KCNB2: variants seen among roughly 807,000 people sequenced by gnomAD.
KCNB2 encodes potassium voltage-gated channel subfamily B member 2, also known as delayed rectifier potassium channel protein.
A neutral mutation model predicts 61.5 loss-of-function variants in KCNB2; 15 were observed. The observed-to-expected ratio is 0.24, with a 90% CI of 0.16 to 0.38. KCNB2 has a LOEUF of 0.38. Ranked by LOEUF, KCNB2 falls within the 10% of genes least tolerant of loss-of-function variation. The probability of loss-of-function intolerance (pLI) is 1.00; values close to 1 mark genes in which losing one functional copy is unlikely to be tolerated. For synonymous variants in KCNB2, 457 were observed against 446.0 expected, an observed-to-expected ratio of 1.02 and a Z score of -0.31; for missense variants, 828 against 1,125.2, an observed-to-expected ratio of 0.74 and a Z score of 3.78.
In KCNB2 at chr8:72,839,599, C is replaced by CTTT. The variant is rs10561095; in HGVS notation, c.580-96307_580-96305dup. On this transcript the variant is annotated intron_variant, in intron 2 of 2. Coordinates refer to ENST00000523207, the MANE Select transcript of KCNB2 (RefSeq NM_004770.3). ...CCTTGAGCTAAACTTTGAAAGGCTT[C>CTTT]TTTTTTTTTTTTTTTTTTTTTTTTT... Among the ~76,000 whole-genome samples the CTTT allele has an allele frequency of 8.0e-3, 699 of 87,696 alleles. 22 individuals carry two copies. The highest frequency in any genetic ancestry group is 0.06 in the East Asian group (139 of 2,304). The allele number at this position is 87,696 out of a possible 152,430, so 57.5% of individuals were successfully genotyped here.
At chr8:72,710,526 C>G (rs1248182711) in intron 2 of KCNB2, among the ~76,000 whole-genome samples, 2 of 151,766 alleles carry the variant, frequency 1.3e-5, no homozygotes, top group African/African-American at 4.8e-5. Context: ...TGAGGAAGAG[C>G]AAAAACTAAA....
intron 2 of KCNB2, among the ~76,000 whole-genome samples, chr8:72,913,439 A>G (rs925846161): frequency 6.6e-6 from 1 of 152,244 alleles, no homozygotes; most frequent in Non-Finnish European, 1.5e-5. Flanking sequence ...TAATAACTGA[A>G]GCACAGGATT....
At position 72,664,233 on chromosome 8, in the gene KCNB2, G is replaced by A. The variant is rs1354608838; in HGVS notation, c.579+95920G>A. On this transcript the variant is annotated intron_variant, in intron 2 of 2. Coordinates refer to ENST00000523207, the MANE Select transcript of KCNB2 (RefSeq NM_004770.3). ...TCTTTTACTCTGCAGCGCCCTCCCA[G>A]GTGAGGTCCGCACTGGTACTCTATG... Among the ~76,000 whole-genome samples the A allele has an allele frequency of 2.0e-5, 3 of 152,144 alleles. No homozygotes were observed. The South Asian group carries it at 6.2e-4, about 32-fold the overall frequency.
chr8:72,850,932 G>A (rs533104087), intron 2 of KCNB2, among the ~76,000 whole-genome samples: 3 of 152,078 alleles, frequency 2.0e-5, no homozygotes, highest in African/African-American at 4.8e-5. Context: ...TGTCTAATTC[G>A]GTATTCCATA....
intron 2 of KCNB2, among the ~76,000 whole-genome samples, chr8:72,680,649 C>T (rs1806735416): frequency 6.6e-6 from 1 of 152,104 alleles, no homozygotes; most frequent in Non-Finnish European, 1.5e-5. Context: ...TCTGAGACCT[C>T]ATCTATAAAG....
chr8:72,863,680 C>T (rs1273863235), intron 2 of KCNB2, among the ~76,000 whole-genome samples: 1 of 152,210 alleles, frequency 6.6e-6, no homozygotes, highest in East Asian at 1.9e-4. Context: ...CATGGCAGCC[C>T]GCCAACTTGT....
Position 72,612,912 on chromosome 8 carries a change from G to A in KCNB2, c.579+44599G>A, listed in dbSNP as rs894764055. On this transcript the variant is annotated intron_variant, in intron 2 of 2. Transcript: ENST00000523207. ...AGATTTTCTATGTTTTAACATTTTT[G>A]GAAAATTAAATATGACAATATTGTT... Among the ~76,000 whole-genome samples the A allele has an allele frequency of 2.0e-5, 3 of 152,008 alleles. No individual in the cohort carries two copies. In the East Asian group the frequency reaches 5.8e-4, roughly 29 times the overall value.
At chr8:72,701,446 C>G (rs1563564004) in intron 2 of KCNB2, among the ~76,000 whole-genome samples, 1 of 152,192 alleles carries the variant, frequency 6.6e-6, no homozygotes, top group African/African-American at 2.4e-5. Flanking sequence ...ACACCATCCT[C>G]TAGCATCTTC....
chr8:72,869,787 C>T (rs1805587902), intron 2 of KCNB2, among the ~76,000 whole-genome samples: 1 of 152,084 alleles, frequency 6.6e-6, no homozygotes, highest in African/African-American at 2.4e-5. Context: ...TGTGGAAGTT[C>T]CTCAAAAAAC....
In KCNB2 at chr8:72,937,196, C is replaced by A; in HGVS notation, c.1841C>A (p.Thr614Lys). 1 of 1,614,128 alleles carries A rather than the reference C, an allele frequency of 6.2e-7. No individual in the cohort carries two copies. Among genetic ancestry groups the A allele is most frequent in the Non-Finnish European group, 8.5e-7 (1 of 1,180,026 alleles). Reference protein sequence around the residue: ...DSFTSCATDFTETERSPLPPP... With the variant: ...DSFTSCATDFKETERSPLPPP... ...TTCACCAGCTGTGCCACCGACTTCACAGAGACAGAGAGATCGCCGCTGCCG... is the reference window on the plus strand; with the variant it reads ...TTCACCAGCTGTGCCACCGACTTCAAAGAGACAGAGAGATCGCCGCTGCCG... Residue 614 changes from threonine (T) to lysine (K), a missense_variant, in exon 3 of 3, where the codon ACA becomes AAA. By Grantham distance (78) the Thr-to-Lys change is moderately conservative. Around this residue, in one of 4 missense-constraint regions of KCNB2, gnomAD observed 559 missense variants for 588.4 expected, o/e 0.95. Coordinates refer to ENST00000523207, the MANE Select transcript of KCNB2 (RefSeq NM_004770.3).
At chr8:72,897,657 A>G (rs867026214) in intron 2 of KCNB2, among the ~76,000 whole-genome samples, 2 of 152,126 alleles carry the variant, frequency 1.3e-5, no homozygotes, top group Admixed American at 6.6e-5. Context: ...TACGTTGTCT[A>G]TTTGTCCCAA....
At chr8:72,662,972 T>C (rs1166517550) in intron 2 of KCNB2, among the ~76,000 whole-genome samples, 2 of 152,118 alleles carry the variant, frequency 1.3e-5, no homozygotes, top group Admixed American at 1.3e-4. Context: ...AATGATCATC[T>C]TTGATGCAGT....
chr8:72,646,552 A>G (rs1372932448), intron 2 of KCNB2, among the ~76,000 whole-genome samples: 1 of 152,228 alleles, frequency 6.6e-6, no homozygotes, highest in Non-Finnish European at 1.5e-5. Context: ...TTAAAAAGGA[A>G]GGAAGTGCTG....
chr8:72,807,440 A>T (rs185220368), intron 2 of KCNB2, among the ~76,000 whole-genome samples: 2 of 152,264 alleles, frequency 1.3e-5, no homozygotes, highest in East Asian at 3.9e-4. Context: ...GCTAATATAG[A>T]TCTTGTTGAT....
rs547923566 is a variant in KCNB2 at position 72,711,537 on chromosome 8, T to C, written c.579+143224T>C. ...GGAAACCCTTGCTCATTTTTCAAGA[T>C]TCACAGGAGGCCTTTTAGAGAACAT... is the stretch of plus-strand genomic sequence containing the variant. On this transcript the variant is annotated intron_variant, in intron 2 of 2. Coordinates refer to ENST00000523207, the MANE Select transcript of KCNB2 (RefSeq NM_004770.3). 7.2e-5 allele frequency among the ~76,000 whole-genome samples: 11 copies of C among 152,288 alleles called. No individual in the cohort carries two copies. In the South Asian group the frequency reaches 2.1e-3, roughly 29 times the overall value.
intron 2 of KCNB2, among the ~76,000 whole-genome samples, chr8:72,602,268 T>C (rs952197547): frequency 6.6e-6 from 1 of 152,196 alleles, no homozygotes. Context: ...GTTGTGATTG[T>C]ACCAGCCTAA....
At chr8:72,675,553 C>T (rs1193559488) in intron 2 of KCNB2, among the ~76,000 whole-genome samples, 1 of 151,382 alleles carries the variant, frequency 6.6e-6, no homozygotes, top group Non-Finnish European at 1.5e-5. Flanking sequence ...CACTCTGTCA[C>T]CCAGGCTGGA....
chr8:72,790,168 G>A (rs1244098441), intron 2 of KCNB2, among the ~76,000 whole-genome samples: 1 of 152,200 alleles, frequency 6.6e-6, no homozygotes, highest in African/African-American at 2.4e-5. Flanking sequence ...CCCAGGGAAA[G>A]AAGTCAGGGC....
intron 2 of KCNB2, among the ~76,000 whole-genome samples, chr8:72,854,581 GC>G (rs1239390322): frequency 6.6e-6 from 1 of 152,150 alleles, no homozygotes; most frequent in African/African-American, 2.4e-5. Context: ...CTCTTCAGGT[GC>G]AGTGTAGATA....
Sources: allele counts gnomAD v4.1 joint callset (sites outside exome capture counted in the v4.1 genomes callset), GRCh38; gene constraint gnomAD v4.1.1; regional missense constraint gnomAD v4.1.1; transcripts MANE v1.5; gene names NCBI Gene and HGNC (gene_info 2026-07-23, HGNC 2026-07-21).